Variants in TMCO5A observed in about 807,000 individuals in gnomAD.
TMCO5A encodes transmembrane and coiled-coil domain-containing protein 5A.
In TMCO5A, 34 loss-of-function variants were observed where a neutral mutation model predicts 42.3. That is an observed-to-expected ratio of 0.80 (90% CI 0.61 to 1.07). The LOEUF (loss-of-function observed/expected upper bound fraction) is 1.07. Among genes scored for constraint, TMCO5A ranks in the 50% least tolerant of loss-of-function variants. TMCO5A has a pLI of 0.00. For synonymous variants in TMCO5A, 131 were observed against 115.6 expected (o/e 1.13, Z -0.86); for missense variants, 357 against 327.9 (o/e 1.09, Z -0.69).
the TMCO5A span, among the ~76,000 whole-genome samples, chr15:38,011,980 C>T: frequency 6.6e-6 from 1 of 152,014 alleles, no homozygotes; most frequent in African/African-American, 2.4e-5. Flanking sequence ...AAAAAGTAGC[C>T]TGGCGCAGTG....
chr15:37,984,946 T>C, the TMCO5A span: 2 of 152,020 alleles, frequency 1.3e-5, no homozygotes, highest in East Asian at 3.9e-4. Flanking sequence ...GAAAGAGTCA[T>C]GTCTGAACTT....
rs981152118 is a variant in TMCO5A, at chr15:37,937,548, C to G, written c.315+152C>G. On this transcript the variant is annotated intron_variant, in intron 5 of 11. Transcript: ENST00000319669. ...TACTCTCTAATCCACTCTCCTGAGG[C>G]CAAGGTTCATGACCTAAATGTTAGG... 6.7e-6 allele frequency: 5 copies of G among 745,344 alleles called. No homozygotes were observed. The African/African-American group carries it at 8.8e-5, about 13-fold the overall frequency. 46.2% of individuals were successfully genotyped at this position (745,344 alleles called of 1,614,324 possible). A position where few individuals can be genotyped will look rare whatever the true frequency, so the allele number is the denominator to read the frequency against.
chr15:37,941,705 G>A lies in TMCO5A; in HGVS notation c.479G>A (p.Cys160Tyr), dbSNP rs373341623. Reference sequence around the variant, plus strand: ...GAGTATGCATTTGTGACCCAGCTCTGTGAAGATCAAGCCCTCTACATAAAG... The same window carrying A: ...GAGTATGCATTTGTGACCCAGCTCTATGAAGATCAAGCCCTCTACATAAAG... Reference protein sequence around the residue: ...MKEYAFVTQLCEDQALYIKKY... With the variant: ...MKEYAFVTQLYEDQALYIKKY... The change falls in exon 8 of 12, where the codon TGT (cysteine) becomes TAT (tyrosine). Residue 160 changes from cysteine to tyrosine, a missense_variant. Physicochemically the swap from Cys to Tyr is radical, Grantham distance 194. Coordinates refer to ENST00000319669, the MANE Select transcript of TMCO5A (RefSeq NM_152453.4). 1 of 1,611,752 alleles carries A rather than the reference G, an allele frequency of 6.2e-7. No individual in the cohort carries two copies. Among genetic ancestry groups the A allele is most frequent in the Non-Finnish European group, 8.5e-7 (1 of 1,178,402 alleles).
chr15:38,027,676 C>G, the TMCO5A span, among the ~76,000 whole-genome samples: 12 of 152,106 alleles, frequency 7.9e-5, no homozygotes, highest in Non-Finnish European at 1.6e-4. Context: ...TCTGTCTCCC[C>G]ACCCAAATCT....
At chr15:37,974,385 C>T in the TMCO5A span, among the ~76,000 whole-genome samples, 13 of 152,092 alleles carry the variant, frequency 8.5e-5, no homozygotes, top group African/African-American at 2.9e-4. Context: ...TCATCTGATC[C>T]TGGGCTTTTT....
chr15:37,959,876 A>G (rs2140811928), intron 11 of TMCO5A, among the ~76,000 whole-genome samples: 1 of 152,162 alleles, frequency 6.6e-6, no homozygotes, highest in Non-Finnish European at 1.5e-5. Context: ...TTGGAAAGAA[A>G]GAAGTCAAAT....
chr15:38,005,818 A>G, the TMCO5A span, among the ~76,000 whole-genome samples: 74 of 152,310 alleles, frequency 4.9e-4, no homozygotes, highest in African/African-American at 1.7e-3. Flanking sequence ...GAACTTTAGA[A>G]ATAGGCAAAG....
At chr15:37,994,520 A>G in the TMCO5A span, 2 of 152,228 alleles carry the variant, frequency 1.3e-5, no homozygotes, top group African/African-American at 2.4e-5. Context: ...ATACGACTTG[A>G]TAGTCATTGC....
At chr15:37,951,491 T>C, downstream of TMCO5A, 1 of 402,148 alleles carries the variant, frequency 2.5e-6, no homozygotes, top group South Asian at 5.9e-5. Context: ...TGGGGAATTA[T>C]ATAGATGCTA....
At chr15:37,946,887 A>T (rs1046674651) in intron 10 of TMCO5A, among the ~76,000 whole-genome samples, 8 of 152,092 alleles carry the variant, frequency 5.3e-5, no homozygotes, top group Non-Finnish European at 1.0e-4. Context: ...TTCCAATGCT[A>T]TGTTGAATAG....
chr15:38,040,100 C>T, the TMCO5A span: 1 of 152,268 alleles, frequency 6.6e-6, no homozygotes, highest in Admixed American at 6.5e-5. Flanking sequence ...TGTACTTCAT[C>T]AAGGCACAAG....
At chr15:38,038,181 T>A in the TMCO5A span, among the ~76,000 whole-genome samples, 2 of 152,294 alleles carry the variant, frequency 1.3e-5, no homozygotes, top group South Asian at 4.1e-4. Flanking sequence ...CATAGAAATG[T>A]CTGTTCCTAC....
At chr15:38,022,485 G>A in the TMCO5A span, among the ~76,000 whole-genome samples, 1 of 152,124 alleles carries the variant, frequency 6.6e-6, no homozygotes, top group African/African-American at 2.4e-5. Flanking sequence ...TAGTTGCCAG[G>A]GGTTTGACGG....
intron 3 of TMCO5A, 140 bp from the exon 4 acceptor site, chr15:37,936,707 T>C: frequency 7.9e-7 from 1 of 1,272,644 alleles, no homozygotes; most frequent in African/African-American, 1.5e-5. Context: ...CTTCCTGCTT[T>C]ATGGATTCAG....
At chr15:38,019,600 T>A in the TMCO5A span, among the ~76,000 whole-genome samples, 1 of 152,022 alleles carries the variant, frequency 6.6e-6, no homozygotes, top group Admixed American at 6.6e-5. Context: ...AGTGGTACAT[T>A]ATACTAGAGT....
At chr15:37,957,984 T>C (rs932787117) in intron 11 of TMCO5A, among the ~76,000 whole-genome samples, 4 of 152,104 alleles carry the variant, frequency 2.6e-5, no homozygotes, top group Non-Finnish European at 4.4e-5. Context: ...AAACAAGCAA[T>C]GGGGAAAGGA....
the TMCO5A span, among the ~76,000 whole-genome samples, chr15:37,999,927 A>T: frequency 5.3e-5 from 8 of 152,080 alleles, no homozygotes; most frequent in African/African-American, 1.9e-4. Flanking sequence ...TTGGTTTGCT[A>T]GTATTTTGTT....
At chr15:37,952,099 T>C (rs1402283321), downstream of TMCO5A, among the ~76,000 whole-genome samples, 1 of 152,166 alleles carries the variant, frequency 6.6e-6, no homozygotes, top group Non-Finnish European at 1.5e-5. Flanking sequence ...ATCCCAGCTG[T>C]CGGAATTTAA....
the TMCO5A span, among the ~76,000 whole-genome samples, chr15:37,988,535 T>C: frequency 1.3e-5 from 2 of 151,986 alleles, no homozygotes; most frequent in Non-Finnish European, 2.9e-5. Flanking sequence ...TCTTCCTAGT[T>C]TGTTGAGTGT....
Sources: gnomAD v4.1 joint callset for allele counts (sites outside exome capture counted in the v4.1 genomes callset) on GRCh38, gnomAD v4.1.1 for gene constraint, MANE v1.5 for transcripts, NCBI Gene and HGNC (gene_info 2026-07-23, HGNC 2026-07-21) for gene names.